Variants in LRRC66 observed in about 807,000 individuals in gnomAD.
LRRC66 encodes the protein leucine rich repeat containing 66, also known as leucine-rich repeat-containing protein 66.
LRRC66 carries 29 observed loss-of-function variants against 24.6 expected under a neutral mutation model. The observed-to-expected ratio is 1.18, with a 90% CI of 0.88 to 1.61. LRRC66 has a LOEUF of 1.61. Among genes scored for constraint, LRRC66 ranks in the 40% most tolerant of loss-of-function variants. LRRC66 has a pLI of 0.00. For synonymous variants in LRRC66, 411 were observed against 397.6 expected (o/e 1.03, Z -0.40); for missense variants, 1,124 against 1,058.0 (o/e 1.06, Z -0.87).
In LRRC66 at chr4:51,998,317, A is replaced by G. The variant is rs141411688; in HGVS notation, c.667-380T>C. Among the ~76,000 whole-genome samples, 1,064 of 152,370 alleles carry G rather than the reference A, an allele frequency of 7.0e-3. 6 individuals are homozygous for G. The highest frequency in any genetic ancestry group is 8.4e-3 in the Non-Finnish European group (571 of 68,032). Reference sequence around the variant, plus strand: ...AAGGTCTAGAATTGGATACCAGGTCAAGAATTTCTAGAACTACTGCAATCT... The same window carrying G: ...AAGGTCTAGAATTGGATACCAGGTCGAGAATTTCTAGAACTACTGCAATCT... On this transcript the variant is annotated intron_variant, in intron 3 of 4. Coordinates refer to ENST00000682860, the MANE Select transcript of LRRC66 (RefSeq NM_001024611.3).
At chr4:51,998,723 C>T (rs1736379914) in intron 3 of LRRC66, among the ~76,000 whole-genome samples, 1 of 152,144 alleles carries the variant, frequency 6.6e-6, no homozygotes, top group Admixed American at 6.5e-5. Context: ...CTGTAAGTGT[C>T]GGACACGACA....
intron 3 of LRRC66, among the ~76,000 whole-genome samples, chr4:52,001,127 T>A (rs1259859481): frequency 6.6e-6 from 1 of 152,164 alleles, no homozygotes; most frequent in Non-Finnish European, 1.5e-5. Flanking sequence ...TAGAAGCGTT[T>A]GAGGACACAG....
In LRRC66 at chr4:51,995,942, G is replaced by A. The variant is rs202084050; in HGVS notation, c.1080C>T (p.Arg360=). 1.6e-5 allele frequency: 26 copies of A among 1,614,016 alleles called. No homozygotes were observed. In the African/African-American group the frequency reaches 2.8e-4, roughly 17 times the overall value. ...CTTTTTTGCCGGCAGCCTGCACATC[G>A]CGGGTGCTTCTAACACTCCTTGGCA... ...RRLPRSVRST[R]DVQAAGKKED... The change falls in exon 5 of 5, where the codon CGC becomes CGT. Residue 360 remains arginine (R), a synonymous_variant. Transcript: ENST00000682860.
At chr4:52,000,332 A>T (rs1221886799) in intron 3 of LRRC66, among the ~76,000 whole-genome samples, 1 of 152,218 alleles carries the variant, frequency 6.6e-6, no homozygotes, top group African/African-American at 2.4e-5. Flanking sequence ...CAAATTACAT[A>T]CACAAGGAGT....
At chr4:52,011,355 T>G (rs1311243164) in intron 2 of LRRC66, among the ~76,000 whole-genome samples, 1 of 152,218 alleles carries the variant, frequency 6.6e-6, no homozygotes. Context: ...ATATACTTTT[T>G]GTTTTAATTA....
intron 4 of LRRC66, among the ~76,000 whole-genome samples, chr4:51,996,547 G>T (rs576331618): frequency 1.2e-4 from 18 of 152,262 alleles, no homozygotes; most frequent in African/African-American, 4.1e-4. Context: ...GTGAGCTGCT[G>T]CCCCAGCTCC....
rs534470199 is a variant in LRRC66, at chr4:52,017,592, C to T, written c.22G>A (p.Val8Ile). The T allele has an allele frequency of 1.3e-6, 2 of 1,576,134 alleles. No homozygotes were observed. Among genetic ancestry groups the T allele is most frequent in the Non-Finnish European group, 1.7e-6 (2 of 1,167,752 alleles). Residue 8 changes from valine (V) to isoleucine (I), a missense_variant, in exon 2 of 5, where the codon GTC (valine) becomes ATC (isoleucine). Transcript: ENST00000682860. ...TAAAGACCTATAACTATGGTAATGA[C>T]TCTGAAATAGAGGTTTTTCATAATG... MKNLYFRVITIVIGLYFT... is the reference protein window; with the variant it reads MKNLYFRIITIVIGLYFT...
Position 52,017,440 on chromosome 4 carries a change from T to C in LRRC66, c.174A>G (p.Ile58Met). 6.2e-7 allele frequency: 1 copy of C among 1,614,168 alleles called. No individual in the cohort carries two copies. Among genetic ancestry groups the C allele is most frequent in the South Asian group, 1.1e-5 (1 of 91,076 alleles). The change falls in exon 2 of 5, where the codon ATA (isoleucine) becomes ATG (methionine). Residue 58 changes from isoleucine (I) to methionine (M), a missense_variant. Ile to Met is a conservative substitution (Grantham distance 10). Coordinates refer to ENST00000682860, the MANE Select transcript of LRRC66 (RefSeq NM_001024611.3). ...FTGKCDIPVD[I>M]SQTAATVDVS... ...CATCCACAGTGGCTGCTGTCTGTGATATGTCCACAGGTATATCACACTTTC... is the reference window on the plus strand; with the variant it reads ...CATCCACAGTGGCTGCTGTCTGTGACATGTCCACAGGTATATCACACTTTC...
chr4:52,005,360 C>G (rs912592771), intron 2 of LRRC66, among the ~76,000 whole-genome samples: 1 of 152,036 alleles, frequency 6.6e-6, no homozygotes, highest in South Asian at 2.1e-4. Context: ...ACAGGCTGGG[C>G]GCAGTAGCCG....
intron 2 of LRRC66, among the ~76,000 whole-genome samples, chr4:52,016,455 G>C (rs146767729): frequency 6.6e-6 from 1 of 152,230 alleles, no homozygotes; most frequent in Non-Finnish European, 1.5e-5. Flanking sequence ...AGGAAGTTTT[G>C]CTTTATGAAC....
At chr4:52,003,477 C>G in intron 2 of LRRC66, 85 bp from the exon 3 acceptor site, 1 of 1,140,076 alleles carries the variant, frequency 8.8e-7, no homozygotes, top group East Asian at 2.4e-5. Flanking sequence ...TTGGAGACAA[C>G]ATTAAGAGTT....
intron 2 of LRRC66, among the ~76,000 whole-genome samples, chr4:52,012,949 C>T (rs1292577969): frequency 1.3e-5 from 2 of 152,152 alleles, no homozygotes; most frequent in Admixed American, 6.5e-5. Context: ...AGTGTGATAA[C>T]CTGATAACAT....
Position 51,995,760 on chromosome 4 carries a change from G to A in LRRC66, c.1262C>T (p.Ser421Leu), listed in dbSNP as rs1357672118. 2 of 1,614,012 alleles carry A rather than the reference G, an allele frequency of 1.2e-6. No homozygotes were observed. The highest frequency in any genetic ancestry group is 8.5e-7 in the Non-Finnish European group (1 of 1,180,044). The change falls in exon 5 of 5, where the codon TCA becomes TTA. Residue 421 changes from serine to leucine, a missense_variant. Coordinates refer to ENST00000682860, the MANE Select transcript of LRRC66 (RefSeq NM_001024611.3). ...CATGTCATCGTAGAAGCCCTCGTTT[G>A]AATACGCGTTGTCCAGGCCAGGGCT... Reference protein sequence around the residue: ...SKSPGLDNAYSNEGFYDDMEA... With the variant: ...SKSPGLDNAYLNEGFYDDMEA...
chr4:52,003,596 G>GA (rs1239754218), intron 2 of LRRC66, among the ~76,000 whole-genome samples: 8 of 152,158 alleles, frequency 5.3e-5, no homozygotes, highest in Non-Finnish European at 1.0e-4. Context: ...TGAACTGGAA[G>GA]AAAAAAGTTA....
Position 52,017,571 on chromosome 4 carries a change from G to C in LRRC66, c.43C>G (p.Leu15Val). ...TTTGTCATTATTCCAGTAAAATAAA[G>C]ACCTATAACTATGGTAATGACTCTG... ...YFRVITIVIGLYFTGIMTNAS... is the reference protein window; with the variant it reads ...YFRVITIVIGVYFTGIMTNAS... Residue 15 changes from leucine to valine, a missense_variant, in exon 2 of 5, where the codon CTT becomes GTT. Coordinates refer to ENST00000682860, the MANE Select transcript of LRRC66 (RefSeq NM_001024611.3). The C allele has an allele frequency of 6.2e-7, 1 of 1,604,096 alleles. No individual in the cohort carries two copies. Among genetic ancestry groups the C allele is most frequent in the Non-Finnish European group, 8.5e-7 (1 of 1,177,132 alleles).
At chr4:52,014,970 T>C (rs1246597304) in intron 2 of LRRC66, among the ~76,000 whole-genome samples, 1 of 152,102 alleles carries the variant, frequency 6.6e-6, no homozygotes, top group East Asian at 1.9e-4. Flanking sequence ...AAAGCTTAAC[T>C]CAAAAAAAGA....
At chr4:52,001,892 AATATG>A (rs1466899110) in intron 3 of LRRC66, among the ~76,000 whole-genome samples, 1 of 152,224 alleles carries the variant, frequency 6.6e-6, no homozygotes, top group Non-Finnish European at 1.5e-5. Flanking sequence ...GACATTGCTT[AATATG>A]ATAGCCACAC....
chr4:52,003,241 C>T lies in LRRC66; in HGVS notation c.648G>A (p.Lys216=). ...TTAGAACCTGTAATTTTTTGAGGTC[C>T]TTGAAGGCTTGTGGGGGAATTTTGA... ...KIFKIPPQAF[K]DLKKLQVIDL... Residue 216 remains lysine (K), a synonymous_variant, in exon 3 of 5, where the codon AAG becomes AAA. Coordinates refer to ENST00000682860, the MANE Select transcript of LRRC66 (RefSeq NM_001024611.3). 5 of 1,610,278 alleles carry T rather than the reference C, an allele frequency of 3.1e-6. No individual in the cohort carries two copies. The highest frequency in any genetic ancestry group is 1.1e-5 in the South Asian group (1 of 89,820).
chr4:51,994,888 T>C lies in LRRC66; in HGVS notation c.2134A>G (p.Thr712Ala). The C allele has an allele frequency of 6.2e-7, 1 of 1,614,092 alleles. No individual in the cohort carries two copies. Among genetic ancestry groups the C allele is most frequent in the Non-Finnish European group, 8.5e-7 (1 of 1,180,022 alleles). The change falls in exon 5 of 5, where the codon ACT becomes GCT. Residue 712 changes from threonine to alanine, a missense_variant. By Grantham distance (58) the Thr-to-Ala change is moderately conservative. Coordinates refer to ENST00000682860, the MANE Select transcript of LRRC66 (RefSeq NM_001024611.3). The stretch of plus-strand genomic sequence containing the variant: ...CTCTCTGAACTTATGGAGCTCAGAG[T>C]GAACAGAGACCCCTCATCAGAGTCA... ...DCDSDEGSLF[T>A]LSSISSESAR...
Sources: allele counts gnomAD v4.1 joint callset (sites outside exome capture counted in the v4.1 genomes callset), GRCh38; gene constraint gnomAD v4.1.1; transcripts MANE v1.5; gene names NCBI Gene and HGNC (gene_info 2026-07-23, HGNC 2026-07-21).